CSMD1: variants seen among roughly 807,000 people sequenced by gnomAD.
The protein encoded by CSMD1 is CUB and sushi domain-containing protein 1.
CSMD1 carries 213 observed loss-of-function variants against 417.5 expected under a neutral mutation model. That is an observed-to-expected ratio of 0.51 (90% confidence interval 0.46 to 0.57). The LOEUF (loss-of-function observed/expected upper bound fraction) is 0.57. Ranked by LOEUF, CSMD1 falls within the 20% of genes least tolerant of loss-of-function variation. The probability of loss-of-function intolerance (pLI) is 0.00; values close to 1 mark genes in which losing one functional copy is unlikely to be tolerated. For missense variants in CSMD1, 6,923 were observed against 4,529.7 expected (o/e 1.53, Z -15.17); for synonymous variants, 2,862 against 1,736.8 (o/e 1.65, Z -16.11).
intron 59 of CSMD1, 95 bp downstream of exon 59, chr8:2,965,680 G>C: frequency 9.5e-7 from 1 of 1,051,836 alleles, no homozygotes; most frequent in Non-Finnish European, 1.4e-6. Flanking sequence ...CTAGCCCCTA[G>C]AAGGGCTACA....
At chr8:4,652,270 T>C (rs978751390) in intron 1 of CSMD1, among the ~76,000 whole-genome samples, 1 of 152,164 alleles carries the variant, frequency 6.6e-6, no homozygotes, top group African/African-American at 2.4e-5. Flanking sequence ...TCCAGTCTCA[T>C]TTATACTTCG....
chr8:3,917,276 A>C (rs1232457228), intron 5 of CSMD1, among the ~76,000 whole-genome samples: 1 of 152,128 alleles, frequency 6.6e-6, no homozygotes, highest in Non-Finnish European at 1.5e-5. Flanking sequence ...GAACGAACTG[A>C]AGTTCCTGAA....
At chr8:2,948,395 A>G (rs1802398927) in intron 68 of CSMD1, among the ~76,000 whole-genome samples, 1 of 152,056 alleles carries the variant, frequency 6.6e-6, no homozygotes, top group Non-Finnish European at 1.5e-5. Context: ...TTGTTTCCAC[A>G]TATGTTCCTC....
intron 3 of CSMD1, among the ~76,000 whole-genome samples, chr8:4,342,133 G>A (rs1372903033): frequency 6.6e-6 from 1 of 151,934 alleles, no homozygotes; most frequent in Non-Finnish European, 1.5e-5. Flanking sequence ...AACAAGACAA[G>A]AAGCCAATCT....
At chr8:4,351,662 G>T (rs1417714547) in intron 3 of CSMD1, among the ~76,000 whole-genome samples, 7 of 152,162 alleles carry the variant, frequency 4.6e-5, no homozygotes, top group Admixed American at 6.5e-5. Flanking sequence ...GGCTTCCCAG[G>T]CAAGATGTCT....
At chr8:3,523,848 T>G (rs1024310357) in intron 10 of CSMD1, among the ~76,000 whole-genome samples, 1 of 126,110 alleles carries the variant, frequency 7.9e-6, no homozygotes, top group Non-Finnish European at 1.6e-5. Context: ...GAGACACATG[T>G]GCATGCGCAT....
At chr8:3,926,572 T>C (rs1425862775) in intron 5 of CSMD1, among the ~76,000 whole-genome samples, 2 of 151,972 alleles carry the variant, frequency 1.3e-5, no homozygotes, top group African/African-American at 4.8e-5. Flanking sequence ...TGATGATTAT[T>C]CTAACATTTA....
At chr8:3,659,885 T>C (rs1798323039) in intron 7 of CSMD1, among the ~76,000 whole-genome samples, 1 of 152,186 alleles carries the variant, frequency 6.6e-6, no homozygotes, top group Admixed American at 6.5e-5. Context: ...CATATAAATC[T>C]AAACTATGAA....
At chr8:3,548,716 C>T (rs1042870393) in intron 10 of CSMD1, among the ~76,000 whole-genome samples, 18 of 147,308 alleles carry the variant, frequency 1.2e-4, no homozygotes, top group African/African-American at 4.3e-4. Flanking sequence ...GTTTCTTTTT[C>T]CACTCATTGA....
chr8:3,107,381 T>C (rs1816214179), intron 45 of CSMD1, among the ~76,000 whole-genome samples: 1 of 152,160 alleles, frequency 6.6e-6, no homozygotes. Flanking sequence ...TCCCCCTAAC[T>C]GAAAGCAAAT....
intron 40 of CSMD1, 72 bp downstream of exon 40, chr8:3,151,324 TA>T (rs1200376839): frequency 1.0e-6 from 1 of 954,454 alleles, no homozygotes; most frequent in Non-Finnish European, 1.6e-6. Flanking sequence ...TAAGGCATTT[TA>T]TTCTGCTTAA....
At chr8:3,496,667 A>T (rs555530078) in intron 10 of CSMD1, among the ~76,000 whole-genome samples, 1 of 152,104 alleles carries the variant, frequency 6.6e-6, no homozygotes, top group Non-Finnish European at 1.5e-5. Context: ...CTCCACTAAA[A>T]ATACAAAAAT....
At chr8:3,288,434 T>G (rs1233111005) in intron 25 of CSMD1, among the ~76,000 whole-genome samples, 1 of 147,124 alleles carries the variant, frequency 6.8e-6, no homozygotes, top group Non-Finnish European at 1.5e-5. Flanking sequence ...GGTCCTGGAC[T>G]TTTTTTGGTT....
intron 3 of CSMD1, among the ~76,000 whole-genome samples, chr8:4,142,409 T>C (rs1803844769): frequency 6.6e-6 from 1 of 151,042 alleles, no homozygotes. Context: ...TTTGGGTCAA[T>C]ATTTCTGCCT....
intron 8 of CSMD1, among the ~76,000 whole-genome samples, chr8:3,610,788 G>A (rs1258705393): frequency 6.6e-6 from 1 of 152,022 alleles, no homozygotes; most frequent in African/African-American, 2.4e-5. Flanking sequence ...GTGCCCCACA[G>A]ATGCCTGGAA....
chr8:3,990,140 G>T (rs1010698099), intron 5 of CSMD1, among the ~76,000 whole-genome samples: 4 of 152,152 alleles, frequency 2.6e-5, no homozygotes, highest in African/African-American at 7.2e-5. Flanking sequence ...CGTTAATTTA[G>T]TTTTACTTTT....
At chr8:4,236,049 T>TTTTTTTTTTTTTTTTTTTTTG (rs1802035939) in intron 3 of CSMD1, among the ~76,000 whole-genome samples, 1 of 73,098 alleles carries the variant, frequency 1.4e-5, no homozygotes, top group African/African-American at 5.1e-5. Context: ...GTTTTTTTTT[T>TTTTTTTTTTTTTTTTTTTTTG]TTTTTTTTTT....
intron 34 of CSMD1, among the ~76,000 whole-genome samples, 158 bp from the exon 35 acceptor site, chr8:3,189,169 T>C (rs1210009418): frequency 6.6e-6 from 1 of 152,214 alleles, no homozygotes; most frequent in African/African-American, 2.4e-5. Flanking sequence ...ATTCAGTGTA[T>C]TCTCTTTTAA....
In CSMD1 at chr8:4,506,779, C is replaced by T. The variant is rs142549586; in HGVS notation, c.303-86714G>A. ...AATAAGCATAAATGCTTTAATTTTC[C>T]TGAAAGAGCCACCTCTAATTTACAG... On this transcript the variant is annotated intron_variant, in intron 2 of 69. Transcript: ENST00000635120. Among the ~76,000 whole-genome samples the T allele has an allele frequency of 2.7e-4, 41 of 152,206 alleles. No homozygotes were observed. In the East Asian group the frequency reaches 6.8e-3, roughly 25 times the overall value.
Sources: allele counts gnomAD v4.1 joint callset (sites outside exome capture counted in the v4.1 genomes callset), GRCh38; gene constraint gnomAD v4.1.1; transcripts MANE v1.5; gene names NCBI Gene and HGNC (gene_info 2026-07-23, HGNC 2026-07-21).